The following UTP20 variants were observed in gnomAD, a reference collection of about 807,000 sequenced individuals.
UTP20 encodes the protein UTP20 small subunit processome component.
A neutral mutation model predicts 329.5 loss-of-function variants in UTP20; 164 were observed. The ratio of observed to expected loss-of-function variants is 0.50; its 90% CI spans 0.44 to 0.57. The LOEUF (loss-of-function observed/expected upper bound fraction) is 0.57, where lower values mean the gene tolerates loss of function less well. Among genes scored for constraint, UTP20 ranks in the 20% least tolerant of loss-of-function variants. The pLI is 0.00. For missense variants in UTP20, 3,055 were observed against 3,284.2 expected, an observed-to-expected ratio of 0.93 and a Z score of 1.71; for synonymous variants, 1,151 against 1,159.3, an observed-to-expected ratio of 0.99 and a Z score of 0.14.
intron 19 of UTP20, 40 bp from the exon 20 acceptor site, chr12:101,311,679 A>G: frequency 1.3e-6 from 2 of 1,554,072 alleles, no homozygotes; most frequent in South Asian, 1.2e-5. Flanking sequence ...TAAAATGGCC[A>G]TACCACACTT....
At chr12:101,345,015 G>A (rs1336142966) in intron 36 of UTP20, among the ~76,000 whole-genome samples, 1 of 124,012 alleles carries the variant, frequency 8.1e-6, no homozygotes, top group African/African-American at 3.1e-5. Flanking sequence ...GCGTGATCTT[G>A]GCTCACTGCA....
intron 47 of UTP20, among the ~76,000 whole-genome samples, chr12:101,367,574 A>G (rs917857228): frequency 6.6e-6 from 1 of 152,164 alleles, no homozygotes. Context: ...GACCATGTCC[A>G]TCCTGGTTAT....
Position 101,371,135 on chromosome 12 carries a change from A to G in UTP20, c.6765A>G (p.Ala2255=), listed in dbSNP as rs370586334. ...MRKVSKLAVS[A]QSEPARVQCR... ...AAGTATCCAAGTTGGCAGTCTCTGC[A>G]CAAAGCGAACCTGCCAGGGTCCAGT... The change falls in exon 51 of 62, where the codon GCA becomes GCG. Residue 2255 remains alanine, a synonymous_variant. Coordinates refer to ENST00000261637, the MANE Select transcript of UTP20 (RefSeq NM_014503.3). The G allele has an allele frequency of 6.2e-7, 1 of 1,614,024 alleles. No individual in the cohort carries two copies. The highest frequency in any genetic ancestry group is 1.3e-5 in the African/African-American group (1 of 74,938).
chr12:101,354,434 CTTGTAAAA>C (rs1210652449), intron 40 of UTP20, among the ~76,000 whole-genome samples: 1 of 152,024 alleles, frequency 6.6e-6, no homozygotes, highest in Non-Finnish European at 1.5e-5. Context: ...TTCCCACTAA[CTTGTAAAA>C]TTGTAATCGC....
intron 43 of UTP20, 60 bp downstream of exon 43, chr12:101,357,142 G>T: frequency 6.7e-7 from 1 of 1,493,180 alleles, no homozygotes; most frequent in Non-Finnish European, 9.1e-7. Flanking sequence ...TTTGCAGCTT[G>T]AACACTGTAA....
chr12:101,347,364 G>T (rs1869360901), intron 38 of UTP20, among the ~76,000 whole-genome samples: 1 of 151,998 alleles, frequency 6.6e-6, no homozygotes, highest in Admixed American at 6.6e-5. Context: ...GTGCACCAAA[G>T]ATATAAAAAT....
intron 25 of UTP20, among the ~76,000 whole-genome samples, chr12:101,324,350 G>A (rs1424806522): frequency 6.6e-6 from 1 of 151,660 alleles, no homozygotes; most frequent in Non-Finnish European, 1.5e-5. Context: ...CGATCCTCCC[G>A]CCTCAGCTCC....
At chr12:101,337,243 A>G (rs1868962805) in intron 29 of UTP20, among the ~76,000 whole-genome samples, 1 of 152,268 alleles carries the variant, frequency 6.6e-6, no homozygotes, top group South Asian at 2.1e-4. Flanking sequence ...AGATGTATGA[A>G]TATAACCTCT....
At chr12:101,328,304 A>G (rs1868636929) in intron 26 of UTP20, among the ~76,000 whole-genome samples, 1 of 152,196 alleles carries the variant, frequency 6.6e-6, no homozygotes, top group South Asian at 2.1e-4. Flanking sequence ...GTTTGGGTGT[A>G]TGAATCCATA....
In UTP20 at chr12:101,375,626, C is replaced by T; in HGVS notation, c.7266C>T (p.Ile2422=). ...ATTTACATCCGTCTTGTTTTTAGAT[C>T]ATGGAAGAAACTGAAGAAAAAGCTG... ...KEIDPENFKD[I]MEETEEKAAD... is the part of the protein sequence containing the mutation. Residue 2422 remains isoleucine (I), a splice_region_variant and synonymous_variant, in exon 56 of 62, where the codon ATC becomes ATT. Transcript: ENST00000261637. 2 of 1,609,496 alleles carry T rather than the reference C, an allele frequency of 1.2e-6. No homozygotes were observed. The highest frequency in any genetic ancestry group is 1.7e-6 in the Non-Finnish European group (2 of 1,178,826).
Position 101,290,280 on chromosome 12 carries a change from T to TA in UTP20, c.735+8dup. The TA allele has an allele frequency of 6.3e-7, 1 of 1,582,920 alleles. No individual in the cohort carries two copies. The highest frequency in any genetic ancestry group is 8.6e-7 in the Non-Finnish European group (1 of 1,167,538). The stretch of plus-strand genomic sequence containing the variant: ...TTCACTCCTGTACAGGCCAGGTACA[T>TA]AATGGGGAGGGGTGCTTAGAGTCTA... On this transcript the variant is annotated splice_region_variant and intron_variant, in intron 7 of 61. Transcript: ENST00000261637.
intron 5 of UTP20, among the ~76,000 whole-genome samples, chr12:101,287,243 G>A (rs535542635): frequency 2.0e-5 from 3 of 152,164 alleles, no homozygotes; most frequent in Non-Finnish European, 2.9e-5. Context: ...TCAGCCCACC[G>A]TTCTCTTTTA....
At chr12:101,378,043 G>A (rs1057041996) in intron 56 of UTP20, among the ~76,000 whole-genome samples, 9 of 152,044 alleles carry the variant, frequency 5.9e-5, no homozygotes, top group African/African-American at 2.2e-4. Flanking sequence ...GCAACATGGT[G>A]AAACCCCATC....
Position 101,317,576 on chromosome 12 carries a change from C to T in UTP20, c.2651C>T (p.Ala884Val), listed in dbSNP as rs754788380. Residue 884 changes from alanine to valine, a missense_variant, in exon 22 of 62, where the codon GCC (alanine) becomes GTC (valine). Transcript: ENST00000261637. ...MVAEEIEEEPAAGDDEELEEE... is the reference protein window; with the variant it reads ...MVAEEIEEEPVAGDDEELEEE... The stretch of plus-strand genomic sequence containing the variant: ...GCAGAGGAAATCGAAGAGGAACCTG[C>T]CGCAGGAGATGATGAAGAGTTGGAG... The T allele has an allele frequency of 3.5e-5, 56 of 1,614,014 alleles. No individual in the cohort carries two copies. In the South Asian group the frequency reaches 5.9e-4, roughly 17 times the overall value.
chr12:101,362,063 A>G lies in UTP20; in HGVS notation c.5790+3A>G. The G allele has an allele frequency of 6.2e-7, 1 of 1,609,366 alleles. No homozygotes were observed. ...CTTGTTTAGATATAATGATTGAGGT[A>G]AGACTTACAGAAACGAATTCTAATT... On this transcript the variant is annotated splice_donor_region_variant and intron_variant, in intron 44 of 61. Coordinates refer to ENST00000261637, the MANE Select transcript of UTP20 (RefSeq NM_014503.3).
At chr12:101,381,054 T>A in intron 57 of UTP20, 86 bp from the exon 58 acceptor site, 1 of 1,147,410 alleles carries the variant, frequency 8.7e-7, no homozygotes, top group Non-Finnish European at 1.3e-6. Flanking sequence ...GTACGTTAGT[T>A]GTATTACAGT....
chr12:101,320,448 C>T (rs533655752), intron 23 of UTP20, among the ~76,000 whole-genome samples: 2 of 151,858 alleles, frequency 1.3e-5, no homozygotes, highest in African/African-American at 2.4e-5. Context: ...TCCAGCTTCT[C>T]GGGAGGCTGA....
intron 5 of UTP20, among the ~76,000 whole-genome samples, chr12:101,287,719 T>G (rs923056535): frequency 6.6e-6 from 1 of 152,218 alleles, no homozygotes; most frequent in African/African-American, 2.4e-5. Context: ...TCTTCAGAGG[T>G]GTCCACATCC....
intron 46 of UTP20, among the ~76,000 whole-genome samples, 173 bp downstream of exon 46, chr12:101,365,798 A>G (rs1172279759): frequency 6.6e-6 from 1 of 152,246 alleles, no homozygotes; most frequent in Non-Finnish European, 1.5e-5. Context: ...TAAATGAGGT[A>G]GCAGTGACAA....
Sources: gnomAD v4.1 joint callset for allele counts (sites outside exome capture counted in the v4.1 genomes callset) on GRCh38, gnomAD v4.1.1 for gene constraint, MANE v1.5 for transcripts, NCBI Gene and HGNC (gene_info 2026-07-23, HGNC 2026-07-21) for gene names.